The following PRKX variants were observed in gnomAD, a reference collection of about 807,000 sequenced individuals.
PRKX encodes cAMP-dependent protein kinase catalytic subunit PRKX.
In PRKX, 12 loss-of-function variants were observed where a neutral mutation model predicts 22.0. The ratio of observed to expected loss-of-function variants is 0.54; its 90% CI spans 0.35 to 0.88. The LOEUF (loss-of-function observed/expected upper bound fraction) is 0.88, where lower values mean the gene tolerates loss of function less well. Among genes scored for constraint, PRKX ranks in the 40% least tolerant of loss-of-function variants. The pLI, the probability that PRKX is intolerant of heterozygous loss-of-function variation, is 0.01. For missense variants in PRKX, 217 were observed against 308.0 expected, an observed-to-expected ratio of 0.70 and a Z score of 2.21; for synonymous variants, 134 against 137.7, an observed-to-expected ratio of 0.97 and a Z score of 0.19.
intron 1 of PRKX, among the ~76,000 whole-genome samples, chrX:3,702,564 T>G (rs1335374277): frequency 9.5e-6 from 1 of 105,240 alleles, no homozygotes; most frequent in African/African-American, 3.5e-5. Flanking sequence ...CTTGTGCAAT[T>G]TAACAGGAAC....
At chrX:3,707,059 C>T (rs1928699934) in intron 1 of PRKX, among the ~76,000 whole-genome samples, 1 of 111,613 alleles carries the variant, frequency 9.0e-6, no homozygotes, top group South Asian at 3.8e-4. Context: ...CCTGGGAGGT[C>T]GAGGCTGCAG....
intron 8 of PRKX, among the ~76,000 whole-genome samples, chrX:3,609,351 G>A (rs181111139): frequency 7.2e-4 from 80 of 111,395 alleles, no homozygotes; most frequent in Non-Finnish European, 1.3e-3. Context: ...GGTAGAGATG[G>A]GATTTCACCA....
At chrX:3,657,906 T>G (rs921007918) in intron 2 of PRKX, among the ~76,000 whole-genome samples, 7 of 112,024 alleles carry the variant, frequency 6.2e-5, no homozygotes, top group African/African-American at 1.9e-4. Flanking sequence ...TTTGGAGAGA[T>G]ACGCACTGAT....
At chrX:3,686,403 ATT>A (rs757799598) in intron 1 of PRKX, among the ~76,000 whole-genome samples, 11 of 96,887 alleles carry the variant, frequency 1.1e-4, no homozygotes, top group African/African-American at 7.6e-5. Flanking sequence ...AAAGCTGATG[ATT>A]TTTTTTTTTT....
At chrX:3,684,034 C>G (rs777703518) in intron 1 of PRKX, among the ~76,000 whole-genome samples, 40 of 111,433 alleles carry the variant, frequency 3.6e-4, no homozygotes, top group Non-Finnish European at 3.8e-5. Flanking sequence ...AGGTGGATCA[C>G]AAGGTCAGGA....
intron 4 of PRKX, among the ~76,000 whole-genome samples, chrX:3,637,850 T>C (rs779275817): frequency 3.7e-5 from 4 of 108,057 alleles, no homozygotes; most frequent in South Asian, 8.3e-4. Flanking sequence ...CACCGCAACC[T>C]ACCCGCCTCC....
chrX:3,655,482 G>A lies in PRKX; in HGVS notation c.336-70C>T. On this transcript the variant is annotated intron_variant, in intron 2 of 8. Transcript: ENST00000262848. ...GCAGGGGGTACGCCGTCAGCTAGGT[G>A]TTGGGGTACAGATGCAGCTAGATAC... The A allele has an allele frequency of 3.5e-6, 4 of 1,154,366 alleles. No individual in the cohort carries two copies. The South Asian group carries it at 7.6e-5, about 22-fold the overall frequency.
chrX:3,680,819 A>G (rs1015347913), intron 1 of PRKX, among the ~76,000 whole-genome samples: 17 of 111,860 alleles, frequency 1.5e-4, no homozygotes, highest in East Asian at 8.5e-4. Flanking sequence ...TTGGGAGGCC[A>G]AGGCAAGAGG....
intron 2 of PRKX, among the ~76,000 whole-genome samples, chrX:3,671,877 T>C (rs1335372161): frequency 9.0e-6 from 1 of 111,024 alleles, no homozygotes; most frequent in Non-Finnish European, 1.9e-5. Flanking sequence ...AATCCCAGCA[T>C]GTCAGGAGGC....
chrX:3,676,150 C>T (rs1038629941), intron 1 of PRKX, among the ~76,000 whole-genome samples: 8 of 111,740 alleles, frequency 7.2e-5, no homozygotes, highest in African/African-American at 2.6e-4. Flanking sequence ...TTTTAAACAA[C>T]GCATTCACAG....
intron 1 of PRKX, among the ~76,000 whole-genome samples, chrX:3,689,427 T>TA (rs1928252536): frequency 8.9e-6 from 1 of 112,438 alleles, no homozygotes. Context: ...CTCGTGCCTA[T>TA]AATCCCAGAA....
At chrX:3,609,221 G>A (rs1341644941) in intron 8 of PRKX, among the ~76,000 whole-genome samples, 2 of 111,123 alleles carry the variant, frequency 1.8e-5, no homozygotes, top group Non-Finnish European at 3.8e-5. Flanking sequence ...GAGTACAGTG[G>A]TGTGATCTCA....
chrX:3,691,837 G>C (rs978231385), intron 1 of PRKX, among the ~76,000 whole-genome samples: 3 of 96,597 alleles, frequency 3.1e-5, no homozygotes, highest in Admixed American at 1.1e-4. Context: ...CAGATAGATG[G>C]ATAGATAGAA....
chrX:3,605,200 A>G lies in PRKX; in HGVS notation c.*3769T>C, dbSNP rs1047133298. 4.5e-5 allele frequency: 5 copies of G among 111,631 alleles called. No individual in the cohort carries two copies. The highest frequency in any genetic ancestry group is 7.5e-5 in the Non-Finnish European group (4 of 53,179). 9.2% of individuals were successfully genotyped at this position (111,631 alleles called of 1,213,427 possible). A position where few individuals can be genotyped will look rare whatever the true frequency, so the allele number is the denominator to read the frequency against. On this transcript the variant is annotated 3_prime_UTR_variant, in exon 9 of 9. Transcript: ENST00000262848. ...TCCATCAGCAACAGAAAAACAGTGC[A>G]TACGACTCCTCCAATGTGTGTAAAA...
intron 1 of PRKX, among the ~76,000 whole-genome samples, chrX:3,687,948 A>G (rs189010193): frequency 1.2e-4 from 13 of 112,134 alleles, no homozygotes; most frequent in Admixed American, 8.5e-4. Flanking sequence ...CCTGGCCAAC[A>G]TGGGAAAACC....
chrX:3,641,916 T>A lies in PRKX; in HGVS notation c.655A>T (p.Lys219Ter). 1.5e-6 allele frequency: 1 copy of A among 665,272 alleles called. No homozygotes were observed. Among genetic ancestry groups the A allele is most frequent in the Non-Finnish European group, 2.2e-6 (1 of 447,263 alleles). The allele number at this position is 665,272 out of a possible 1,213,427, so 54.8% of individuals were successfully genotyped here. A position where few individuals can be genotyped will look rare whatever the true frequency, so the allele number is the denominator to read the frequency against. ...EYLAPEVIQS[K>*]GHGRAVDWWA... ...CAGTCCACGGCCCTTCCGTGGCCCT[T>A]GCTCTGAATGACTTCGGGGGCTAGG... The change falls in exon 4 of 9, where the codon AAG becomes TAG. Residue 219 changes from lysine (K) to a stop codon, truncating the protein, a stop_gained. Transcript: ENST00000262848. LOFTEE classifies it high-confidence loss of function.
chrX:3,643,553 T>C (rs1348035202), intron 3 of PRKX, among the ~76,000 whole-genome samples: 3 of 110,630 alleles, frequency 2.7e-5, no homozygotes, highest in African/African-American at 9.9e-5. Flanking sequence ...AATTCAGACC[T>C]GTAGCACAAA....
chrX:3,637,491 T>C (rs6641589), intron 4 of PRKX, among the ~76,000 whole-genome samples: 49,468 of 109,672 alleles, frequency 0.45, 8,962 homozygotes, highest in East Asian at 0.67. Flanking sequence ...TCAGGCCGGC[T>C]GGAGCTGGGG....
intron 3 of PRKX, among the ~76,000 whole-genome samples, chrX:3,648,606 C>CTGTGTGTGTGTGTGTG (rs58698248): frequency 3.5e-4 from 25 of 72,246 alleles, no homozygotes; most frequent in South Asian, 8.1e-4. Flanking sequence ...CTCTCTACTC[C>CTGTGTGTGTGTGTGTG]TGTGTGTGTG....
Sources: allele counts gnomAD v4.1 joint callset (sites outside exome capture counted in the v4.1 genomes callset), GRCh38; gene constraint gnomAD v4.1.1; transcripts MANE v1.5; gene names NCBI Gene and HGNC (gene_info 2026-07-23, HGNC 2026-07-21).